UNC79: variants seen among roughly 807,000 people sequenced by gnomAD.
UNC79 encodes unc-79 subunit of NALCN channel complex.
Under a neutral mutation model 283.1 loss-of-function variants are expected in UNC79, and 37 were observed. The ratio of observed to expected loss-of-function variants is 0.13; its 90% confidence interval spans 0.10 to 0.17. The LOEUF is 0.17. Among genes scored for constraint, UNC79 ranks in the 10% least tolerant of loss-of-function variants. UNC79 has a pLI of 1.00. For synonymous variants in UNC79, 1,107 were observed against 1,200.2 expected (o/e 0.92, Z 1.61); for missense variants, 2,272 against 3,211.1 (o/e 0.71, Z 7.07).
At chr14:93,470,328 G>A (rs1454040277) in intron 2 of UNC79, among the ~76,000 whole-genome samples, 2 of 152,174 alleles carry the variant, frequency 1.3e-5, no homozygotes, top group Non-Finnish European at 2.9e-5. Context: ...GCAGAAATTA[G>A]CTTAGACATT....
chr14:93,613,322 G>GTA (rs1327300078), intron 27 of UNC79, among the ~76,000 whole-genome samples: 2 of 152,138 alleles, frequency 1.3e-5, no homozygotes, highest in African/African-American at 4.8e-5. Flanking sequence ...GTGTGTGTGT[G>GTA]TGAGAGAGAG....
intron 1 of UNC79, among the ~76,000 whole-genome samples, chr14:93,466,103 T>A (rs1443657596): frequency 6.6e-6 from 1 of 152,208 alleles, no homozygotes; most frequent in Non-Finnish European, 1.5e-5. Context: ...ATTTATGGAG[T>A]TAATTGAGAT....
At chr14:93,416,624 T>G (rs375026822) in intron 1 of UNC79, among the ~76,000 whole-genome samples, 11,255 of 152,162 alleles carry the variant, frequency 0.074, 439 homozygotes, top group Middle Eastern at 0.13. Flanking sequence ...AGTGGGGTGT[T>G]AAAGTCTCCC....
intron 31 of UNC79, 95 bp downstream of exon 33, chr14:93,631,003 A>G (rs910003078): frequency 4.4e-6 from 5 of 1,127,864 alleles, no homozygotes; most frequent in African/African-American, 3.1e-5. Flanking sequence ...GGTATTGTAT[A>G]TATATTTTAA....
intron 27 of UNC79, among the ~76,000 whole-genome samples, chr14:93,615,127 A>G (rs2066603559): frequency 6.6e-6 from 1 of 152,156 alleles, no homozygotes; most frequent in Non-Finnish European, 1.5e-5. Flanking sequence ...TTATTGGTAC[A>G]CAGATTTCCT....
chr14:93,448,093 C>G (rs1398437376), intron 1 of UNC79, among the ~76,000 whole-genome samples: 1 of 151,742 alleles, frequency 6.6e-6, no homozygotes, highest in Non-Finnish European at 1.5e-5. Flanking sequence ...TCTTTTTGTC[C>G]TCTCCTTTTG....
intron 1 of UNC79, among the ~76,000 whole-genome samples, chr14:93,423,450 C>T (rs2055653914): frequency 1.3e-5 from 2 of 152,174 alleles, no homozygotes; most frequent in African/African-American, 2.4e-5. Context: ...ATCACATTAC[C>T]TGACTTCAAC....
intron 14 of UNC79, among the ~76,000 whole-genome samples, chr14:93,550,863 C>T (rs1392681867): frequency 1.3e-5 from 2 of 152,106 alleles, no homozygotes; most frequent in Non-Finnish European, 2.9e-5. Flanking sequence ...TTACAGACCA[C>T]AGGCTCCTTG....
intron 7 of UNC79, among the ~76,000 whole-genome samples, chr14:93,519,025 CATT>C (rs1370072389): frequency 6.6e-6 from 1 of 151,838 alleles, no homozygotes; most frequent in Non-Finnish European, 1.5e-5. Flanking sequence ...AGATTTCTAA[CATT>C]ATAAAATAGG....
chr14:93,706,108 G>C (rs1270443662), intron 48 of UNC79, among the ~76,000 whole-genome samples: 1 of 152,172 alleles, frequency 6.6e-6, no homozygotes, highest in Admixed American at 6.5e-5. Flanking sequence ...CGATTGCCCA[G>C]ATGGCCAGGA....
chr14:93,557,976 T>A (rs1232178893), intron 14 of UNC79, among the ~76,000 whole-genome samples: 2 of 152,076 alleles, frequency 1.3e-5, no homozygotes, highest in Non-Finnish European at 2.9e-5. Flanking sequence ...TGGCAGAGAC[T>A]GAGAGAGAAT....
At chr14:93,454,857 C>T (rs1468867478) in intron 1 of UNC79, among the ~76,000 whole-genome samples, 1 of 152,074 alleles carries the variant, frequency 6.6e-6, no homozygotes, top group Non-Finnish European at 1.5e-5. Context: ...TTTTGCTTTT[C>T]ACATGTTAAA....
intron 1 of UNC79, among the ~76,000 whole-genome samples, chr14:93,456,671 G>A (rs1817805726): frequency 6.6e-6 from 1 of 152,144 alleles, no homozygotes; most frequent in South Asian, 2.1e-4. Context: ...GCACCCAGAG[G>A]TACATAGCTC....
chr14:93,602,126 T>C (rs1348927101), intron 25 of UNC79, among the ~76,000 whole-genome samples: 3 of 152,184 alleles, frequency 2.0e-5, no homozygotes, highest in Non-Finnish European at 4.4e-5. Flanking sequence ...ATCTGTTTAT[T>C]TTTGTTTTTG....
chr14:93,685,995 A>G (rs2074211435), intron 42 of UNC79, among the ~76,000 whole-genome samples: 1 of 152,172 alleles, frequency 6.6e-6, no homozygotes, highest in Non-Finnish European at 1.5e-5. Flanking sequence ...TAATACATGT[A>G]TCTATTTAGT....
chr14:93,668,951 C>T (rs1362473873), intron 40 of UNC79, among the ~76,000 whole-genome samples: 1 of 140,374 alleles, frequency 7.1e-6, no homozygotes, highest in Non-Finnish European at 1.5e-5. Context: ...GAGCTTTCAG[C>T]CTGGGCAACA....
At chr14:93,390,970 TA>T (rs143096709) in intron 1 of UNC79, among the ~76,000 whole-genome samples, 12,774 of 152,302 alleles carry the variant, frequency 0.084, 589 homozygotes, top group Middle Eastern at 0.14. Flanking sequence ...AAGCTGATTC[TA>T]AACTTTATTT....
At chr14:93,634,434 T>C in intron 31 of UNC79, 87 bp from the exon 34 acceptor site, 1 of 951,998 alleles carries the variant, frequency 1.1e-6, no homozygotes. Flanking sequence ...AAATGAAGGG[T>C]CAATTAAAAT....
At chr14:93,646,871 C>T (rs1224697145) in intron 35 of UNC79, among the ~76,000 whole-genome samples, 1 of 152,064 alleles carries the variant, frequency 6.6e-6, no homozygotes, top group Non-Finnish European at 1.5e-5. Context: ...AAAAAAAATA[C>T]CAGCTTGTGC....
Sources: allele counts gnomAD v4.1 joint callset (sites outside exome capture counted in the v4.1 genomes callset), GRCh38; gene constraint gnomAD v4.1.1; transcripts MANE v1.5; gene names NCBI Gene and HGNC (gene_info 2026-07-23, HGNC 2026-07-21).